Variants in P2RX2 observed in about 807,000 individuals in gnomAD.
P2RX2 encodes the protein P2X purinoceptor 2.
Under a neutral mutation model 54.8 loss-of-function variants are expected in P2RX2, and 50 were observed. That is an observed-to-expected ratio of 0.91 (90% CI 0.73 to 1.15). The LOEUF is 1.15. P2RX2 is among the 50% of genes most tolerant of loss of function. The pLI, the probability that P2RX2 is intolerant of heterozygous loss-of-function variation, is 0.00. For synonymous variants in P2RX2, 289 were observed against 259.4 expected, an observed-to-expected ratio of 1.11 and a Z score of -1.09; for missense variants, 658 against 633.2, an observed-to-expected ratio of 1.04 and a Z score of -0.42.
rs2041568032 is a variant in P2RX2, at chr12:132,619,824, C to T, written c.382-20C>T. The T allele has an allele frequency of 1.2e-6, 2 of 1,610,574 alleles. No individual in the cohort carries two copies. The highest frequency in any genetic ancestry group is 2.2e-5 in the East Asian group (1 of 44,794). On this transcript the variant is annotated intron_variant, in intron 3 of 10. Coordinates refer to ENST00000643471, the MANE Select transcript of P2RX2 (RefSeq NM_170682.4). ...CAGCTGTCCCTTGCGGGGTCCCTGACTGGGCCGCCTCCACCCTAGAGCATA... is the reference window on the plus strand; with the variant it reads ...CAGCTGTCCCTTGCGGGGTCCCTGATTGGGCCGCCTCCACCCTAGAGCATA...
At position 132,618,856 on chromosome 12, in the gene P2RX2, GC is replaced by G; in HGVS notation, c.43del (p.Arg15GlyfsTer19). The G allele has an allele frequency of 7.3e-7, 1 of 1,365,186 alleles. No individual in the cohort carries two copies. The highest frequency in any genetic ancestry group is 9.5e-7 in the Non-Finnish European group (1 of 1,052,430). The allele number at this position is 1,365,186 out of a possible 1,614,324, so 84.6% of individuals were successfully genotyped here. ...AQPKYPAGATARRLARGCWSA... is the reference protein window; with the variant it reads ...AQPKYPAGATXRRLARGCWSA... ...GCCCAAGTACCCCGCCGGGGCGACCGCCCGGCGCCTGGCCCGGGGCTGCTGG... is the reference window on the plus strand; with the variant it reads ...GCCCAAGTACCCCGCCGGGGCGACCGCCGGCGCCTGGCCCGGGGCTGCTGG... On this transcript the variant is annotated frameshift_variant, in exon 1 of 11. Transcript: ENST00000643471. LOFTEE classifies it high-confidence loss of function.
At position 132,621,863 on chromosome 12, in the gene P2RX2, T is replaced by C. The variant is rs1314064244; in HGVS notation, c.1307T>C (p.Leu436Pro). The change falls in exon 11 of 11, where the codon CTG (leucine) becomes CCG (proline). Residue 436 changes from leucine to proline, a missense_variant. By Grantham distance (98) the Leu-to-Pro change is moderately conservative. Transcript: ENST00000643471. ...GAECGPAFPP[L>P]RPCPISAPSE... ...GAGTGTGGCCCAGCCTTCCCGCCCC[T>C]GCGGCCTTGCCCCATCTCTGCCCCT... 6.2e-7 allele frequency: 1 copy of C among 1,613,170 alleles called. No individual in the cohort carries two copies. Among genetic ancestry groups the C allele is most frequent in the Non-Finnish European group, 8.5e-7 (1 of 1,179,802 alleles).
At chr12:132,620,132 C>T (rs2041591440) in intron 5 of P2RX2, 36 bp downstream of exon 5, 2 of 1,538,484 alleles carry the variant, frequency 1.3e-6, no homozygotes, top group African/African-American at 1.4e-5. Context: ...CCAGCCTCCC[C>T]TCTGATCCTT....
Position 132,621,866 on chromosome 12 carries a change from G to C in P2RX2, c.1310G>C (p.Arg437Pro). The change falls in exon 11 of 11, where the codon CGG (arginine) becomes CCG (proline). Residue 437 changes from arginine (R) to proline (P), a missense_variant. Coordinates refer to ENST00000643471, the MANE Select transcript of P2RX2 (RefSeq NM_170682.4). ...TGTGGCCCAGCCTTCCCGCCCCTGC[G>C]GCCTTGCCCCATCTCTGCCCCTTCT... Reference protein sequence around the residue: ...AECGPAFPPLRPCPISAPSEQ... With the variant: ...AECGPAFPPLPPCPISAPSEQ... 1 of 1,613,244 alleles carries C rather than the reference G, an allele frequency of 6.2e-7. No homozygotes were observed. Among genetic ancestry groups the C allele is most frequent in the Middle Eastern group, 1.7e-4 (1 of 6,056 alleles).
At position 132,619,730 on chromosome 12, in the gene P2RX2, AC is replaced by A. The variant is rs1439787980; in HGVS notation, c.364del (p.Gln122ArgfsTer8). ...CAGGGTCGAGGCCACCCACTCCCAG[AC>A]CCAGGGAACCTGCCCCGAGGTGAGG... Reference protein sequence around the residue: ...ITRVEATHSQTQGTCPESIRV... With the variant: ...ITRVEATHSQXQGTCPESIRV... On this transcript the variant is annotated frameshift_variant, in exon 3 of 11. Coordinates refer to ENST00000643471, the MANE Select transcript of P2RX2 (RefSeq NM_170682.4). LOFTEE classifies it high-confidence loss of function. 2.5e-6 allele frequency: 4 copies of A among 1,607,998 alleles called. No individual in the cohort carries two copies. The highest frequency in any genetic ancestry group is 3.4e-6 in the Non-Finnish European group (4 of 1,177,320).
Position 132,621,372 on chromosome 12 carries a change from G to A in P2RX2, c.996+27G>A, listed in dbSNP as rs199942142. On this transcript the variant is annotated intron_variant, in intron 9 of 10. Transcript: ENST00000643471. ...TGCCTGCACCTGCTGGGGGTGGGTG[G>A]CCAGCCCTGCTAGCCTGGGTCTGAG... 499 of 1,613,296 alleles carry A rather than the reference G, an allele frequency of 3.1e-4. 1 individual carries two copies. The highest frequency in any genetic ancestry group is 4.0e-4 in the Non-Finnish European group (471 of 1,179,750).
At position 132,622,173 on chromosome 12, in the gene P2RX2, T is replaced by G. The variant is rs2041729433; in HGVS notation, c.*201T>G. The G allele has an allele frequency of 7.0e-7, 1 of 1,432,590 alleles. No homozygotes were observed. Among genetic ancestry groups the G allele is most frequent in the African/African-American group, 1.4e-5 (1 of 69,408 alleles). The allele number at this position is 1,432,590 out of a possible 1,614,324, so 88.7% of individuals were successfully genotyped here. On this transcript the variant is annotated 3_prime_UTR_variant, in exon 11 of 11. Coordinates refer to ENST00000643471, the MANE Select transcript of P2RX2 (RefSeq NM_170682.4). ...ACCCTGGCATACAGCCCCTGACACC[T>G]CCTCCCCAGCTGGTCCCTACAGGGC...
chr12:132,618,782 G>T lies in P2RX2; in HGVS notation c.-35G>T. On this transcript the variant is annotated 5_prime_UTR_variant, in exon 1 of 11. Coordinates refer to ENST00000643471, the MANE Select transcript of P2RX2 (RefSeq NM_170682.4). ...CGCAGCGGGGCCGACCCTCAGCCCTGCAGCGCCTTCCTGGAGGTGGGGGCC... is the reference window on the plus strand; with the variant it reads ...CGCAGCGGGGCCGACCCTCAGCCCTTCAGCGCCTTCCTGGAGGTGGGGGCC... 8.3e-7 allele frequency: 1 copy of T among 1,201,744 alleles called. No homozygotes were observed. The highest frequency in any genetic ancestry group is 1.0e-6 in the Non-Finnish European group (1 of 963,476). The allele number at this position is 1,201,744 out of a possible 1,614,324, so 74.4% of individuals were successfully genotyped here.
In P2RX2 at chr12:132,620,905, C is replaced by T. The variant is rs532245448; in HGVS notation, c.775-96C>T. 3.5e-3 allele frequency: 1,879 copies of T among 533,830 alleles called. 121 individuals carry two copies. The African/African-American group carries it at 0.046, about 13-fold the overall frequency. The allele number at this position is 533,830 out of a possible 1,614,324, so 33.1% of individuals were successfully genotyped here. A position where few individuals can be genotyped will look rare whatever the true frequency, so the allele number is the denominator to read the frequency against. On this transcript the variant is annotated intron_variant, in intron 7 of 10. Transcript: ENST00000643471. Reference sequence around the variant, plus strand: ...GGCTCTCGAGGGGCCTCTCGTGTGCCCTTGTGACCCCCTTCCCTGGCCTGG... The same window carrying T: ...GGCTCTCGAGGGGCCTCTCGTGTGCTCTTGTGACCCCCTTCCCTGGCCTGG...
Position 132,620,528 on chromosome 12 carries a change from A to C in P2RX2, c.719A>C (p.Lys240Thr), listed in dbSNP as rs763377408. Residue 240 changes from lysine (K) to threonine (T), a missense_variant, in exon 7 of 11, where the codon AAG (lysine) becomes ACG (threonine). Lys to Thr is a moderately conservative substitution (Grantham distance 78). Transcript: ENST00000643471. ...EASDLYCPIF[K>T]LGFIVEKAGE... ...TCCGACCTCTACTGCCCCATCTTCA[A>C]GCTGGGCTTTATCGTGGAGAAGGCT... 1.2e-6 allele frequency: 2 copies of C among 1,613,946 alleles called. No homozygotes were observed. The highest frequency in any genetic ancestry group is 2.2e-5 in the East Asian group (1 of 44,868).
intron 4 of P2RX2, 21 bp from the exon 5 acceptor site, chr12:132,619,979 T>G: frequency 6.3e-7 from 1 of 1,578,218 alleles, no homozygotes; most frequent in Non-Finnish European, 8.6e-7. Flanking sequence ...CGCTAATGCC[T>G]CAGTGACCTC....
In P2RX2 at chr12:132,622,015, G is replaced by C. The variant is rs375459528; in HGVS notation, c.*43G>C. The C allele has an allele frequency of 8.7e-6, 14 of 1,610,882 alleles. No individual in the cohort carries two copies. Among genetic ancestry groups the C allele is most frequent in the Non-Finnish European group, 1.2e-5 (14 of 1,179,006 alleles). ...TGGACTGCAGACCCGGCCTGGTGGGGCCAGAGAGTCCCCAGCTAGGGACCT... is the reference window on the plus strand; with the variant it reads ...TGGACTGCAGACCCGGCCTGGTGGGCCCAGAGAGTCCCCAGCTAGGGACCT... On this transcript the variant is annotated 3_prime_UTR_variant, in exon 11 of 11. Transcript: ENST00000643471.
rs770860845 is a variant in P2RX2, at chr12:132,619,753, G to A, written c.381+3G>A. ...AGACCCAGGGAACCTGCCCCGAGGTGAGGGGATCCCGCGGCGCTGGGGGAC... is the reference window on the plus strand; with the variant it reads ...AGACCCAGGGAACCTGCCCCGAGGTAAGGGGATCCCGCGGCGCTGGGGGAC... On this transcript the variant is annotated splice_donor_region_variant and intron_variant, in intron 3 of 10. Transcript: ENST00000643471. 1.2e-6 allele frequency: 2 copies of A among 1,610,314 alleles called. No homozygotes were observed. Among genetic ancestry groups the A allele is most frequent in the Non-Finnish European group, 1.7e-6 (2 of 1,178,674 alleles).
rs541181992 is a variant in P2RX2, at chr12:132,621,804, C to A, written c.1248C>A (p.Ser416Arg). 35 of 1,605,494 alleles carry A rather than the reference C, an allele frequency of 2.2e-5. 1 individual carries two copies. The Admixed American group carries it at 3.9e-4, about 18-fold the overall frequency. Residue 416 changes from serine to arginine, a missense_variant, in exon 11 of 11, where the codon AGC becomes AGA. Transcript: ENST00000643471. ...ACCGCTCCGAGGACCAGCACCCCAG[C>A]CCTCCATCAGGCCAGGAGGGCCAAC... ...PGHRSEDQHP[S>R]PPSGQEGQQG...
chr12:132,620,419 G>C, intron 6 of P2RX2, 26 bp from the exon 7 acceptor site: 1 of 1,614,144 alleles, frequency 6.2e-7, no homozygotes, highest in Non-Finnish European at 8.5e-7. Flanking sequence ...TTGGGGTGCA[G>C]GTCTCGCCTC....
At chr12:132,619,221 A>G (rs1298206467) in intron 1 of P2RX2, among the ~76,000 whole-genome samples, 3 of 11,806 alleles carry the variant, frequency 2.5e-4, no homozygotes, top group African/African-American at 4.8e-4. Context: ...GCTGGGCTGG[A>G]GGCGCGGGGC....
chr12:132,620,024 C>T lies in P2RX2; in HGVS notation c.482C>T (p.Pro161Leu), dbSNP rs113796218. 6.3e-7 allele frequency: 1 copy of T among 1,588,048 alleles called. No homozygotes were observed. The change falls in exon 5 of 11, where the codon CCC (proline) becomes CTC (leucine). Residue 161 changes from proline to leucine, a missense_variant. Transcript: ENST00000643471. ...GNGLRTGRCVPYYQGPSKTCE... is the reference protein window; with the variant it reads ...GNGLRTGRCVLYYQGPSKTCE... ...GGCCTGAGGACTGGGCGCTGTGTGC[C>T]CTATTACCAGGGGCCCTCCAAGACC... is the stretch of plus-strand genomic sequence containing the variant.
Position 132,618,872 on chromosome 12 carries a change from G to A in P2RX2, c.56G>A (p.Arg19Gln), listed in dbSNP as rs369473481. 3.8e-5 allele frequency: 52 copies of A among 1,374,504 alleles called. No homozygotes were observed. Among genetic ancestry groups the A allele is most frequent in the Non-Finnish European group, 4.5e-5 (48 of 1,056,698 alleles). The allele number at this position is 1,374,504 out of a possible 1,614,324, so 85.1% of individuals were successfully genotyped here. Reference sequence around the variant, plus strand: ...GGGGCGACCGCCCGGCGCCTGGCCCGGGGCTGCTGGTCCGCCCTCTGGGAC... The same window carrying A: ...GGGGCGACCGCCCGGCGCCTGGCCCAGGGCTGCTGGTCCGCCCTCTGGGAC... ...PAGATARRLARGCWSALWDYE... is the reference protein window; with the variant it reads ...PAGATARRLAQGCWSALWDYE... Residue 19 changes from arginine (R) to glutamine (Q), a missense_variant, in exon 1 of 11, where the codon CGG (arginine) becomes CAG (glutamine). Coordinates refer to ENST00000643471, the MANE Select transcript of P2RX2 (RefSeq NM_170682.4).
chr12:132,620,686 C>T (rs949460590), intron 7 of P2RX2, 103 bp downstream of exon 7: 7 of 1,283,790 alleles, frequency 5.5e-6, no homozygotes, highest in African/African-American at 1.9e-5. Context: ...GACCAGCTGG[C>T]CCCGCTCAGG....
Sources: allele counts gnomAD v4.1 joint callset (sites outside exome capture counted in the v4.1 genomes callset), GRCh38; gene constraint gnomAD v4.1.1; transcripts MANE v1.5; gene names NCBI Gene and HGNC (gene_info 2026-07-23, HGNC 2026-07-21).